Variants in PLBD1 observed in about 807,000 individuals in gnomAD.
The protein encoded by PLBD1 is phospholipase B domain containing 1.
A neutral mutation model predicts 63.0 loss-of-function variants in PLBD1; 60 were observed. The ratio of observed to expected loss-of-function variants is 0.95; its 90% CI spans 0.77 to 1.18. The LOEUF (loss-of-function observed/expected upper bound fraction) is 1.18, where lower values mean the gene tolerates loss of function less well. PLBD1 is among the 50% of genes most tolerant of loss of function. The probability of loss-of-function intolerance (pLI) is 0.00; values close to 1 mark genes in which losing one functional copy is unlikely to be tolerated. For missense variants in PLBD1, 598 were observed against 677.9 expected (o/e 0.88, Z 1.31); for synonymous variants, 262 against 248.0 (o/e 1.06, Z -0.53).
At position 14,535,640 on chromosome 12, in the gene PLBD1, T is replaced by C; in HGVS notation, c.844+19A>G. The C allele has an allele frequency of 6.2e-7, 1 of 1,613,132 alleles. No homozygotes were observed. Among genetic ancestry groups the C allele is most frequent in the Non-Finnish European group, 8.5e-7 (1 of 1,179,258 alleles). ...GAATAGTACTCAAAGTGCTCAGATG[T>C]TCCTTTAAATTCATTTACCTGGGTA... On this transcript the variant is annotated intron_variant, in intron 6 of 10. Coordinates refer to ENST00000240617, the MANE Select transcript of PLBD1 (RefSeq NM_024829.6).
chr12:14,551,312 G>A (rs545747776), intron 2 of PLBD1, among the ~76,000 whole-genome samples: 4 of 148,484 alleles, frequency 2.7e-5, no homozygotes, highest in South Asian at 2.1e-4. Context: ...GCAGTGAGCC[G>A]AGATTGCGCC....
At chr12:14,507,263 A>G (rs781186079) in intron 8 of PLBD1, 145 bp from the exon 9 acceptor site, 49 of 653,842 alleles carry the variant, frequency 7.5e-5, no homozygotes, top group Non-Finnish European at 1.1e-4. Context: ...ACAGAAAATA[A>G]AGCTTTGCAT....
chr12:14,547,554 G>T (rs946691956), intron 2 of PLBD1, among the ~76,000 whole-genome samples: 2 of 152,160 alleles, frequency 1.3e-5, no homozygotes, highest in African/African-American at 4.8e-5. Context: ...GGCAACACTA[G>T]CGTCAACCTC....
At chr12:14,535,948 T>C (rs979589115) in intron 5 of PLBD1, 145 bp from the exon 6 acceptor site, 22 of 771,828 alleles carry the variant, frequency 2.9e-5, no homozygotes, top group Non-Finnish European at 4.3e-5. Flanking sequence ...GGCCAAGGAG[T>C]CAAGATTAAC....
intron 2 of PLBD1, among the ~76,000 whole-genome samples, chr12:14,552,856 G>T (rs535683301): frequency 1.3e-5 from 2 of 152,304 alleles, no homozygotes; most frequent in East Asian, 3.9e-4. Context: ...GGCAGGTACT[G>T]ATTATGGGAG....
intron 6 of PLBD1, among the ~76,000 whole-genome samples, chr12:14,525,974 T>A (rs1565573851): frequency 7.0e-6 from 1 of 143,064 alleles, no homozygotes; most frequent in Admixed American, 7.4e-5. Context: ...ACAACAATTT[T>A]AAAAATGCAA....
At chr12:14,510,773 G>A (rs538156909) in intron 8 of PLBD1, among the ~76,000 whole-genome samples, 13 of 152,234 alleles carry the variant, frequency 8.5e-5, no homozygotes, top group Admixed American at 6.5e-4. Flanking sequence ...TAACAGCCAC[G>A]TTCTGTTTAG....
At chr12:14,556,509 A>G (rs1023822139) in intron 1 of PLBD1, among the ~76,000 whole-genome samples, 13 of 151,854 alleles carry the variant, frequency 8.6e-5, no homozygotes, top group African/African-American at 3.1e-4. Flanking sequence ...AGCTGAGACT[A>G]CAGGCATGCA....
At chr12:14,511,203 A>G (rs1945295636) in intron 8 of PLBD1, 57 bp downstream of exon 8, 1 of 1,383,352 alleles carries the variant, frequency 7.2e-7, no homozygotes, top group Non-Finnish European at 9.7e-7. Context: ...TTCCCCTACC[A>G]TATATGAACA....
intron 6 of PLBD1, among the ~76,000 whole-genome samples, chr12:14,525,911 T>C (rs1006616352): frequency 1.3e-4 from 20 of 152,220 alleles, no homozygotes; most frequent in African/African-American, 4.3e-4. Flanking sequence ...TAATTGCTTA[T>C]TAACTTTATG....
intron 1 of PLBD1, among the ~76,000 whole-genome samples, chr12:14,559,738 T>C (rs908893892): frequency 5.9e-5 from 9 of 152,166 alleles, no homozygotes; most frequent in African/African-American, 2.2e-4. Flanking sequence ...TATTTTTTTC[T>C]ATAAATAAAG....
At chr12:14,535,848 C>T in intron 5 of PLBD1, 45 bp from the exon 6 acceptor site, 1 of 1,584,746 alleles carries the variant, frequency 6.3e-7, no homozygotes, top group South Asian at 1.1e-5. Flanking sequence ...ACATAGCTAA[C>T]TGACTGCAAT....
At chr12:14,541,128 ATC>A (rs1945567928) in intron 3 of PLBD1, among the ~76,000 whole-genome samples, 2 of 152,308 alleles carry the variant, frequency 1.3e-5, no homozygotes, top group African/African-American at 4.8e-5. Context: ...TCTGTGCTGT[ATC>A]TAGAACAAAA....
chr12:14,507,311 A>G (rs984985212), intron 8 of PLBD1, among the ~76,000 whole-genome samples, 193 bp from the exon 9 acceptor site: 8 of 152,232 alleles, frequency 5.3e-5, no homozygotes, highest in Non-Finnish European at 1.0e-4. Flanking sequence ...TAAATTTCCT[A>G]AATCAGCACA....
intron 2 of PLBD1, among the ~76,000 whole-genome samples, chr12:14,551,428 T>C (rs1945658587): frequency 6.6e-6 from 1 of 152,234 alleles, no homozygotes; most frequent in South Asian, 2.1e-4. Flanking sequence ...GAATGGCTTT[T>C]TCTATAGATT....
At chr12:14,541,049 G>T in intron 3 of PLBD1, 147 bp from the exon 4 acceptor site, 1 of 835,014 alleles carries the variant, frequency 1.2e-6, no homozygotes, top group South Asian at 2.5e-5. Flanking sequence ...TCACTCAAAG[G>T]ACTTCAGGGC....
chr12:14,508,850 A>C (rs1448356534), intron 8 of PLBD1, among the ~76,000 whole-genome samples: 1 of 152,132 alleles, frequency 6.6e-6, no homozygotes, highest in African/African-American at 2.4e-5. Context: ...CCCTTTTTTA[A>C]ACAGAAGAAA....
intron 10 of PLBD1, 101 bp from the exon 11 acceptor site, chr12:14,504,055 A>G: frequency 1.7e-6 from 2 of 1,187,472 alleles, no homozygotes; most frequent in East Asian, 2.4e-5. Context: ...TCACAATATT[A>G]GCTTTTTTTT....
At chr12:14,521,011 T>C (rs2136911196) in intron 6 of PLBD1, among the ~76,000 whole-genome samples, 1 of 152,298 alleles carries the variant, frequency 6.6e-6, no homozygotes, top group Admixed American at 6.5e-5. Context: ...TACACTGTGC[T>C]CTGGAGGGCC....
Sources: gnomAD v4.1 joint callset for allele counts (sites outside exome capture counted in the v4.1 genomes callset) on GRCh38, gnomAD v4.1.1 for gene constraint, MANE v1.5 for transcripts, NCBI Gene and HGNC (gene_info 2026-07-23, HGNC 2026-07-21) for gene names.